The following ZUP1 variants were observed in gnomAD, a reference collection of about 807,000 sequenced individuals.
The protein encoded by ZUP1 is zinc finger containing ubiquitin peptidase 1.
A neutral mutation model predicts 68.1 loss-of-function variants in ZUP1; 55 were observed. The ratio of observed to expected loss-of-function variants is 0.81; its 90% CI spans 0.65 to 1.01. ZUP1 has a LOEUF of 1.01. ZUP1 is among the 50% of genes least tolerant of loss of function. The pLI is 0.00. For missense variants in ZUP1, 684 were observed against 674.9 expected (o/e 1.01, Z -0.15); for synonymous variants, 223 against 221.5 (o/e 1.01, Z -0.06).
rs186282051 is a variant in ZUP1, at chr6:116,645,895, T to G, written c.1508A>C (p.Asn503Thr). ...AAGTATTAGTAAGCATAATGTTCGG[T>G]TTTTTTTCTCTTCAATTCCAATAAC... is the stretch of plus-strand genomic sequence containing the variant. ...RTVIGIEEKK[N>T]RTLCLLILDP... The change falls in exon 9 of 10, where the codon AAC (asparagine) becomes ACC (threonine). Residue 503 changes from asparagine to threonine, a missense_variant. Asn to Thr is a moderately conservative substitution (Grantham distance 65). Coordinates refer to ENST00000368576, the MANE Select transcript of ZUP1 (RefSeq NM_145062.3). 110 of 1,613,168 alleles carry G rather than the reference T, an allele frequency of 6.8e-5. No individual in the cohort carries two copies. The East Asian group carries it at 1.6e-3, about 24-fold the overall frequency.
chr6:116,645,016 A>G (rs1776245186), intron 9 of ZUP1, among the ~76,000 whole-genome samples: 1 of 152,110 alleles, frequency 6.6e-6, no homozygotes, highest in Non-Finnish European at 1.5e-5. Flanking sequence ...GGTTGATGAA[A>G]ACATCATTTA....
intron 8 of ZUP1, among the ~76,000 whole-genome samples, chr6:116,646,627 T>G (rs889791728): frequency 1.7e-4 from 26 of 152,030 alleles, no homozygotes; most frequent in Non-Finnish European, 3.4e-4. Flanking sequence ...CAGGCTGGAG[T>G]GCAGTGGCAG....
Position 116,647,484 on chromosome 6 carries a change from T to A in ZUP1, c.1443A>T (p.Lys481Asn), listed in dbSNP as rs1011037784. 4 of 1,580,046 alleles carry A rather than the reference T, an allele frequency of 2.5e-6. No homozygotes were observed. Among genetic ancestry groups the A allele is most frequent in the Non-Finnish European group, 3.5e-6 (4 of 1,158,764 alleles). Residue 481 changes from lysine (K) to asparagine (N), a missense_variant, in exon 8 of 10, where the codon AAA (lysine) becomes AAT (asparagine). Lys to Asn is a moderately conservative substitution (Grantham distance 94). Coordinates refer to ENST00000368576, the MANE Select transcript of ZUP1 (RefSeq NM_145062.3). ...EGSPKVVCTS[K>N]PPIYLQHQGH... ...CTTGATGCTGAAGATAGATAGGAGG[T>A]TTAGATGTACACACTACCTTTGGAC...
intron 9 of ZUP1, among the ~76,000 whole-genome samples, chr6:116,643,056 G>A (rs1776172133): frequency 6.6e-6 from 1 of 151,242 alleles, no homozygotes; most frequent in African/African-American, 2.4e-5. Context: ...GACAAACAGA[G>A]AGCCAAATCA....
At chr6:116,661,348 C>CA (rs150074054) in intron 2 of ZUP1, among the ~76,000 whole-genome samples, 31,911 of 149,596 alleles carry the variant, frequency 0.21, 3,393 homozygotes, top group South Asian at 0.3. Flanking sequence ...CATACCACTC[C>CA]AAAAAAAAAG....
intron 2 of ZUP1, among the ~76,000 whole-genome samples, chr6:116,663,251 AC>A (rs34424825): frequency 0.063 from 9,581 of 151,942 alleles, 411 homozygotes; most frequent in Admixed American, 0.15. Context: ...GTCATTCATT[AC>A]CCCCCTCATG....
intron 8 of ZUP1, among the ~76,000 whole-genome samples, chr6:116,646,852 A>C (rs1235101575): frequency 1.3e-5 from 2 of 152,190 alleles, no homozygotes; most frequent in Non-Finnish European, 2.9e-5. Flanking sequence ...CTAGGATTAC[A>C]GGCATGAGTT....
Position 116,651,990 on chromosome 6 carries a change from T to C in ZUP1, c.1150+14A>G. ...TTATCAGATGACAAGTTCAGAGTAC[T>C]AGATTTCACATACCTTTTAAGCAAT... On this transcript the variant is annotated intron_variant, in intron 6 of 9. Coordinates refer to ENST00000368576, the MANE Select transcript of ZUP1 (RefSeq NM_145062.3). 2 of 1,612,322 alleles carry C rather than the reference T, an allele frequency of 1.2e-6. No individual in the cohort carries two copies. Among genetic ancestry groups the C allele is most frequent in the South Asian group, 2.2e-5 (2 of 90,954 alleles).
chr6:116,664,267 C>T (rs1484457570), intron 2 of ZUP1, among the ~76,000 whole-genome samples: 2 of 144,840 alleles, frequency 1.4e-5, no homozygotes, highest in East Asian at 3.9e-4. Context: ...CCTGTCTCTA[C>T]TAAAAGTACA....
At chr6:116,639,742 A>G (rs534184343) in intron 9 of ZUP1, among the ~76,000 whole-genome samples, 3 of 152,310 alleles carry the variant, frequency 2.0e-5, no homozygotes, top group Admixed American at 2.0e-4. Context: ...TGGGGAAAAA[A>G]CAGAGCAGAA....
intron 9 of ZUP1, 68 bp from the exon 10 acceptor site, chr6:116,635,947 C>G: frequency 1.9e-6 from 2 of 1,056,450 alleles, no homozygotes; most frequent in Non-Finnish European, 2.6e-6. Context: ...TGTTGTCATT[C>G]TAATGTAAAA....
intron 2 of ZUP1, 25 bp from the exon 3 acceptor site, chr6:116,660,871 GTTT>G (rs1562410824): frequency 4.1e-6 from 5 of 1,233,506 alleles, no homozygotes; most frequent in Non-Finnish European, 4.5e-6. Flanking sequence ...TAATTAAGTT[GTTT>G]TTATTTTTTT....
At chr6:116,639,029 G>A (rs796832993) in intron 9 of ZUP1, among the ~76,000 whole-genome samples, 1 of 152,250 alleles carries the variant, frequency 6.6e-6, no homozygotes, top group East Asian at 1.9e-4. Context: ...CGCACCAGGA[G>A]ATTATATCCT....
chr6:116,635,905 T>G, intron 9 of ZUP1, 26 bp from the exon 10 acceptor site: 1 of 1,530,618 alleles, frequency 6.5e-7, no homozygotes. Context: ...TAAAAAACAA[T>G]TTTAAGCTAT....
intron 9 of ZUP1, among the ~76,000 whole-genome samples, chr6:116,637,833 C>T (rs527957347): frequency 1.4e-4 from 22 of 152,200 alleles, no homozygotes; most frequent in Non-Finnish European, 2.9e-4. Flanking sequence ...TAGGCCAAGG[C>T]GGGTGGATCA....
chr6:116,658,767 A>G (rs6910565), intron 4 of ZUP1, 36 bp downstream of exon 4: 454,618 of 1,509,516 alleles, frequency 0.3, 72,303 homozygotes, highest in African/African-American at 0.5. Context: ...TAACTTTACC[A>G]AATCAAAATA....
intron 9 of ZUP1, among the ~76,000 whole-genome samples, 190 bp from the exon 10 acceptor site, chr6:116,636,069 A>G (rs1403712906): frequency 2.0e-5 from 3 of 152,172 alleles, no homozygotes; most frequent in Admixed American, 2.0e-4. Flanking sequence ...GGCATAAACA[A>G]AGAAAAGTCC....
chr6:116,640,260 C>T (rs1407184483), intron 9 of ZUP1, among the ~76,000 whole-genome samples: 3 of 152,194 alleles, frequency 2.0e-5, no homozygotes, highest in East Asian at 3.8e-4. Flanking sequence ...TTGGAAAACA[C>T]TCTGCAGGAT....
chr6:116,637,853 G>A (rs1373651122), intron 9 of ZUP1, among the ~76,000 whole-genome samples: 1 of 152,140 alleles, frequency 6.6e-6, no homozygotes, highest in African/African-American at 2.4e-5. Flanking sequence ...ACCAGAAGTT[G>A]GGAGTTCAAC....
Sources: gnomAD v4.1 joint callset for allele counts (sites outside exome capture counted in the v4.1 genomes callset) on GRCh38, gnomAD v4.1.1 for gene constraint, MANE v1.5 for transcripts, NCBI Gene and HGNC (gene_info 2026-07-23, HGNC 2026-07-21) for gene names.